RPL32: variants seen among roughly 807,000 people sequenced by gnomAD.
RPL32 encodes the protein ribosomal protein L32, also known as large ribosomal subunit protein eL32.
For synonymous variants in RPL32, 61 were observed against 62.6 expected (o/e 0.98, Z 0.12); for missense variants, 117 against 173.7 (o/e 0.67, Z 1.83).
intron 2 of RPL32, 147 bp downstream of exon 2, chr3:12,839,995 G>A (rs1483428496): frequency 1.4e-6 from 1 of 728,848 alleles, no homozygotes; most frequent in Non-Finnish European, 2.4e-6. Context: ...CCAGCACTAG[G>A]GCACACTGGG....
At chr3:12,839,748 C>G (rs1330433730) in intron 2 of RPL32, among the ~76,000 whole-genome samples, 1 of 152,192 alleles carries the variant, frequency 6.6e-6, no homozygotes, top group Admixed American at 6.5e-5. Context: ...TTGCCACTCC[C>G]AAGCAATGGA....
At chr3:12,840,063 A>G in intron 2 of RPL32, 79 bp downstream of exon 2, 1 of 1,147,632 alleles carries the variant, frequency 8.7e-7, no homozygotes, top group Non-Finnish European at 1.3e-6. Flanking sequence ...GTCAAAGATA[A>G]TCCTGACTAG....
In RPL32 at chr3:12,834,666, AT is replaced by A. The variant is rs1269954355; in HGVS notation, c.*1427del. ...GCATCTTCCATGCCACCACCCAGGC[AT>A]AACCAGTTGGTTTGTTTCCTTCTGA... On this transcript the variant is annotated 3_prime_UTR_variant, in exon 4 of 4. Transcript: ENST00000429711. The A allele has an allele frequency of 6.6e-6, 1 of 152,488 alleles. No homozygotes were observed. Among genetic ancestry groups the A allele is most frequent in the Non-Finnish European group, 1.5e-5 (1 of 68,260 alleles). The allele number at this position is 152,488 out of a possible 1,614,324, so 9.4% of individuals were successfully genotyped here.
In RPL32 at chr3:12,835,291, C is replaced by T. The variant is rs973262990; in HGVS notation, c.*803G>A. ...ACTACCCAGGTTTGGAGGTGTGCAT[C>T]TGTAGTCCCAGCTACTTGGAAGGCT... On this transcript the variant is annotated 3_prime_UTR_variant, in exon 4 of 4. Transcript: ENST00000429711. The T allele has an allele frequency of 6.6e-6, 1 of 152,254 alleles. No homozygotes were observed. Among genetic ancestry groups the T allele is most frequent in the Non-Finnish European group, 1.5e-5 (1 of 68,096 alleles). 9.4% of individuals were successfully genotyped at this position (152,254 alleles called of 1,614,324 possible). A position where few individuals can be genotyped will look rare whatever the true frequency, so the allele number is the denominator to read the frequency against.
Position 12,839,251 on chromosome 3 carries a change from C to A in RPL32, c.278+98G>T, listed in dbSNP as rs1300250143. The A allele has an allele frequency of 6.2e-5, 71 of 1,149,506 alleles. No homozygotes were observed. In the Admixed American group the frequency reaches 1.3e-3, roughly 21 times the overall value. 71.2% of individuals were successfully genotyped at this position (1,149,506 alleles called of 1,614,324 possible). ...CTCAGAGAATGTACAACACCCCCCG[C>A]CAAAATGCATCCCAAGAGTTTGTAG... On this transcript the variant is annotated intron_variant, in intron 3 of 3. Transcript: ENST00000429711.
chr3:12,838,123 C>T (rs1445740390), intron 3 of RPL32, among the ~76,000 whole-genome samples: 1 of 152,220 alleles, frequency 6.6e-6, no homozygotes, highest in Non-Finnish European at 1.5e-5. Flanking sequence ...AAAATCAAAC[C>T]AGGCCAGGCA....
intron 2 of RPL32, 40 bp from the exon 3 acceptor site, chr3:12,839,570 G>T (rs1224417525): frequency 3.1e-6 from 5 of 1,588,696 alleles, no homozygotes; most frequent in Non-Finnish European, 3.5e-6. Flanking sequence ...CGTCTGTGCA[G>T]AGTGCGAACT....
At chr3:12,836,375 TATGGTTCCCTG>T in intron 3 of RPL32, 152 bp from the exon 4 acceptor site, 3 of 864,026 alleles carry the variant, frequency 3.5e-6, no homozygotes, top group Non-Finnish European at 5.4e-6. Flanking sequence ...AAATCCTGAC[TATGGTTCCCTG>T]GTGGTGACAA....
chr3:12,840,377 G>A (rs755912259), intron 1 of RPL32, 135 bp from the exon 2 acceptor site: 2 of 773,014 alleles, frequency 2.6e-6, no homozygotes, highest in African/African-American at 1.7e-5. Flanking sequence ...GGGTGCCTCT[G>A]CCAGGCTTGC....
chr3:12,835,126 C>T lies in RPL32; in HGVS notation c.*968G>A, dbSNP rs2062089445. 6.6e-6 allele frequency: 1 copy of T among 152,186 alleles called. No homozygotes were observed. The highest frequency in any genetic ancestry group is 1.9e-4 in the East Asian group (1 of 5,202). The allele number at this position is 152,186 out of a possible 1,614,324, so 9.4% of individuals were successfully genotyped here. A position where few individuals can be genotyped will look rare whatever the true frequency, so the allele number is the denominator to read the frequency against. ...ATTTCTGTCTCATAAGTACCACATCCCATATCCCTCATGACCTATATACTA... is the reference window on the plus strand; with the variant it reads ...ATTTCTGTCTCATAAGTACCACATCTCATATCCCTCATGACCTATATACTA... On this transcript the variant is annotated 3_prime_UTR_variant, in exon 4 of 4. Coordinates refer to ENST00000429711, the MANE Select transcript of RPL32 (RefSeq NM_000994.4).
At position 12,835,965 on chromosome 3, in the gene RPL32, C is replaced by T; in HGVS notation, c.*129G>A. On this transcript the variant is annotated 3_prime_UTR_variant, in exon 4 of 4. Transcript: ENST00000429711. ...CTCCAAATGGGAGATTCCAAAGGGG[C>T]TTAAGCAAAAGAACAATCTCTGTGG... is the stretch of plus-strand genomic sequence containing the variant. 1 of 1,146,978 alleles carries T rather than the reference C, an allele frequency of 8.7e-7. No homozygotes were observed. Among genetic ancestry groups the T allele is most frequent in the Admixed American group, 2.1e-5 (1 of 48,776 alleles). 71.1% of individuals were successfully genotyped at this position (1,146,978 alleles called of 1,614,324 possible).
rs548145901 is a variant in RPL32, at chr3:12,840,445, G to A, written c.-5-203C>T. The A allele has an allele frequency of 2.7e-4, 187 of 701,394 alleles. 2 individuals are homozygous for A. The highest frequency in any genetic ancestry group is 2.5e-3 in the South Asian group (182 of 73,220). The allele number at this position is 701,394 out of a possible 1,614,324, so 43.4% of individuals were successfully genotyped here. ...AGGCACTCTCCAGATGCGATCCCAG[G>A]AGGTCAAGGGTCACCTCACCCACTC... On this transcript the variant is annotated intron_variant, in intron 1 of 3. Transcript: ENST00000429711.
intron 3 of RPL32, among the ~76,000 whole-genome samples, chr3:12,837,746 T>G (rs1048399137): frequency 6.6e-6 from 1 of 152,252 alleles, no homozygotes; most frequent in Non-Finnish European, 1.5e-5. Flanking sequence ...ACATCCTAGT[T>G]AGTCACACAC....
intron 3 of RPL32, 140 bp downstream of exon 3, chr3:12,839,209 G>T: frequency 1.3e-6 from 1 of 744,554 alleles, no homozygotes; most frequent in Non-Finnish European, 2.3e-6. Context: ...ATCCTGCAAG[G>T]AACAACTTCT....
chr3:12,836,685 A>G (rs2062102770), intron 3 of RPL32, among the ~76,000 whole-genome samples: 1 of 152,366 alleles, frequency 6.6e-6, no homozygotes, highest in South Asian at 2.1e-4. Context: ...CTGAGGATAC[A>G]AAGCAAGTTG....
At chr3:12,836,914 A>G (rs1425511157) in intron 3 of RPL32, among the ~76,000 whole-genome samples, 8 of 152,262 alleles carry the variant, frequency 5.3e-5, no homozygotes, top group African/African-American at 1.9e-4. Flanking sequence ...AAGCATTTTC[A>G]GCAAAGAGAG....
intron 2 of RPL32, 145 bp from the exon 3 acceptor site, chr3:12,839,675 T>A: frequency 1.2e-6 from 1 of 843,096 alleles, no homozygotes; most frequent in East Asian, 2.5e-5. Flanking sequence ...TTTCCTTACT[T>A]TTTTGGTGGG....
Position 12,839,407 on chromosome 3 carries a change from A to T in RPL32, c.220T>A (p.Phe74Ile). The change falls in exon 3 of 4, where the codon TTC (phenylalanine) becomes ATC (isoleucine). Residue 74 changes from phenylalanine to isoleucine, a missense_variant. Physicochemically the swap from Phe to Ile is conservative, Grantham distance 21. Coordinates refer to ENST00000429711, the MANE Select transcript of RPL32 (RefSeq NM_000994.4). ...ACGTTGTGGACCAGGAACTTCCGGA[A>T]GCCACTGGGCAGCATGTGCTTTGTT... The part of the protein sequence containing the change: ...KKTKHMLPSG[F>I]RKFLVHNVKE... 1 of 1,614,198 alleles carries T rather than the reference A, an allele frequency of 6.2e-7. No individual in the cohort carries two copies.
chr3:12,835,657 G>C lies in RPL32; in HGVS notation c.*437C>G, dbSNP rs183274379. Reference sequence around the variant, plus strand: ...AGGATGCAATTTAGGCATCCCGTAAGAATCTGTGTAAGAAATTCATCTGGA... The same window carrying C: ...AGGATGCAATTTAGGCATCCCGTAACAATCTGTGTAAGAAATTCATCTGGA... On this transcript the variant is annotated 3_prime_UTR_variant, in exon 4 of 4. Transcript: ENST00000429711. The C allele has an allele frequency of 2.5e-4, 41 of 163,326 alleles. No homozygotes were observed. Among genetic ancestry groups the C allele is most frequent in the Admixed American group, 2.3e-3 (40 of 17,066 alleles). 10.1% of individuals were successfully genotyped at this position (163,326 alleles called of 1,614,324 possible).
Sources: allele counts gnomAD v4.1 joint callset (sites outside exome capture counted in the v4.1 genomes callset), GRCh38; gene constraint gnomAD v4.1.1; transcripts MANE v1.5; gene names NCBI Gene and HGNC (gene_info 2026-07-23, HGNC 2026-07-21).